Variants in LEMD3 observed in about 807,000 individuals in gnomAD.
LEMD3 encodes the protein LEM domain containing 3.
Under a neutral mutation model 95.2 loss-of-function variants are expected in LEMD3, and 33 were observed. The ratio of observed to expected loss-of-function variants is 0.35; its 90% CI spans 0.26 to 0.46. The LOEUF is 0.46. LEMD3 is among the 20% of genes least tolerant of loss of function. LEMD3 has a pLI of 1.00. For missense variants in LEMD3, 1,210 were observed against 1,192.8 expected, an observed-to-expected ratio of 1.01 and a Z score of -0.21; for synonymous variants, 525 against 474.6, an observed-to-expected ratio of 1.11 and a Z score of -1.38.
intron 7 of LEMD3, 30 bp from the exon 8 acceptor site, chr12:65,240,106 G>A: frequency 4.8e-6 from 6 of 1,238,576 alleles, no homozygotes; most frequent in Non-Finnish European, 7.0e-6. Context: ...TCAAGTGATT[G>A]ATTCATTTGT....
intron 1 of LEMD3, among the ~76,000 whole-genome samples, chr12:65,206,633 A>G (rs937175606): frequency 3.3e-5 from 5 of 152,104 alleles, no homozygotes; most frequent in Admixed American, 1.3e-4. Flanking sequence ...ATGGCCTGAG[A>G]GAGAAGGGGA....
At chr12:65,222,681 C>T (rs552903609) in intron 4 of LEMD3, among the ~76,000 whole-genome samples, 6 of 152,030 alleles carry the variant, frequency 3.9e-5, no homozygotes, top group Middle Eastern at 3.4e-3. Context: ...TTCCTCCCTT[C>T]TGCTAATCTT....
At position 65,245,925 on chromosome 12, in the gene LEMD3, G is replaced by A. The variant is rs1308730604; in HGVS notation, c.2558G>A (p.Gly853Asp). ...YAGKAFKALH[G>D]SWFDGKLVTV... is the part of the protein sequence containing the mutation. ...GGAAAGGCTTTTAAAGCATTGCATG[G>A]CTCTTGGTTTGATGGTAAGAAATTT... The change falls in exon 12 of 13, where the codon GGC becomes GAC. Residue 853 changes from glycine (G) to aspartate (D), a missense_variant. Coordinates refer to ENST00000308330, the MANE Select transcript of LEMD3 (RefSeq NM_014319.5). 1 of 1,611,558 alleles carries A rather than the reference G, an allele frequency of 6.2e-7. No homozygotes were observed. The highest frequency in any genetic ancestry group is 8.5e-7 in the Non-Finnish European group (1 of 1,178,386).
intron 1 of LEMD3, chr12:65,171,918 C>CT (rs1868562282): frequency 6.6e-6 from 1 of 152,224 alleles, no homozygotes; most frequent in Non-Finnish European, 1.5e-5. Flanking sequence ...GCGTACACAA[C>CT]TTTATTTTTT....
At chr12:65,202,476 A>G (rs1423006844) in intron 1 of LEMD3, among the ~76,000 whole-genome samples, 1 of 151,954 alleles carries the variant, frequency 6.6e-6, no homozygotes, top group Non-Finnish European at 1.5e-5. Context: ...TTCTTGTTAT[A>G]CTATGTTGGA....
intron 1 of LEMD3, among the ~76,000 whole-genome samples, chr12:65,174,769 T>G (rs1868663361): frequency 6.6e-6 from 1 of 152,194 alleles, no homozygotes; most frequent in African/African-American, 2.4e-5. Flanking sequence ...ATGTGGAAGA[T>G]GAAATCTCTG....
rs1869922824 is a variant in LEMD3 at position 65,211,032 on chromosome 12, A to G, written c.1560+69A>G. The G allele has an allele frequency of 2.6e-6, 3 of 1,139,600 alleles. No homozygotes were observed. The African/African-American group carries it at 4.6e-5, about 17-fold the overall frequency. The allele number at this position is 1,139,600 out of a possible 1,614,324, so 70.6% of individuals were successfully genotyped here. The stretch of plus-strand genomic sequence containing the variant: ...ATATGATAAAAGCATGAGAATGACT[A>G]TCAACTAAAAAAAAGTAATTTTAAA... On this transcript the variant is annotated intron_variant, in intron 2 of 12. Coordinates refer to ENST00000308330, the MANE Select transcript of LEMD3 (RefSeq NM_014319.5).
intron 2 of LEMD3, among the ~76,000 whole-genome samples, chr12:65,212,263 G>T (rs1205930361): frequency 6.6e-6 from 1 of 152,102 alleles, no homozygotes; most frequent in Non-Finnish European, 1.5e-5. Flanking sequence ...CCCACAACAC[G>T]TGGGGATTAT....
At position 65,169,611 on chromosome 12, in the gene LEMD3, A is replaced by C. The variant is rs1476285077; in HGVS notation, c.15A>C (p.Ala5=). Residue 5 remains alanine (A), a synonymous_variant, in exon 1 of 13, where the codon GCA becomes GCC. Coordinates refer to ENST00000308330, the MANE Select transcript of LEMD3 (RefSeq NM_014319.5). MAAA[A]ASAPQQLSDE... is the part of the protein sequence containing the mutation. ...CTGGAGAGAAAATGGCGGCGGCAGC[A>C]GCTTCGGCGCCTCAGCAGCTCTCGG... 7.6e-6 allele frequency: 12 copies of C among 1,588,090 alleles called. No homozygotes were observed. The highest frequency in any genetic ancestry group is 8.6e-6 in the Non-Finnish European group (10 of 1,169,470).
intron 1 of LEMD3, 136 bp from the exon 2 acceptor site, chr12:65,210,790 A>G (rs1203353731): frequency 6.5e-6 from 5 of 768,726 alleles, no homozygotes; most frequent in Non-Finnish European, 1.2e-5. Flanking sequence ...CTTTATTATC[A>G]CCAGTTTGTT....
chr12:65,237,381 A>C (rs1014133958), intron 4 of LEMD3, among the ~76,000 whole-genome samples: 1 of 152,168 alleles, frequency 6.6e-6, no homozygotes, highest in African/African-American at 2.4e-5. Flanking sequence ...AAAACATTGG[A>C]AAGTATTTTA....
In LEMD3 at chr12:65,245,761, A is replaced by G. The variant is rs970897423; in HGVS notation, c.2480A>G (p.Lys827Arg). 28 of 1,613,240 alleles carry G rather than the reference A, an allele frequency of 1.7e-5. No homozygotes were observed. The highest frequency in any genetic ancestry group is 2.2e-5 in the Non-Finnish European group (26 of 1,179,400). Reference sequence around the variant, plus strand: ...GGCATTGTTCACATTGCAGTAGACAAAAATTCACGTGAGGTAAAGTAACTT... The same window carrying G: ...GGCATTGTTCACATTGCAGTAGACAGAAATTCACGTGAGGTAAAGTAACTT... ...NDGIVHIAVD[K>R]NSREGCVYVK... Residue 827 changes from lysine (K) to arginine (R), a missense_variant, in exon 11 of 13, where the codon AAA becomes AGA. Physicochemically the swap from Lys to Arg is conservative, Grantham distance 26 (BLOSUM62 2). Coordinates refer to ENST00000308330, the MANE Select transcript of LEMD3 (RefSeq NM_014319.5).
rs1041163455 is a variant in LEMD3 at position 65,246,371 on chromosome 12, T to A, written c.*46T>A. 1 of 1,475,464 alleles carries A rather than the reference T, an allele frequency of 6.8e-7. No homozygotes were observed. Among genetic ancestry groups the A allele is most frequent in the East Asian group, 2.3e-5 (1 of 44,206 alleles). 91.4% of individuals were successfully genotyped at this position (1,475,464 alleles called of 1,614,324 possible). ...AAGACTGTTATTTACAATAGGAAAA[T>A]TCCTGTTTGGCTTTTTGTCTTCCTT... On this transcript the variant is annotated 3_prime_UTR_variant, in exon 13 of 13. Transcript: ENST00000308330.
chr12:65,218,911 C>T lies in LEMD3; in HGVS notation c.1695+292C>T, dbSNP rs144674423. Among the ~76,000 whole-genome samples, 137 of 151,482 alleles carry T rather than the reference C, an allele frequency of 9.0e-4. No individual in the cohort carries two copies. The East Asian group carries it at 0.011, about 12-fold the overall frequency. ...TCAAGCGATTCTCCTGCCTCAGCCT[C>T]GCGAGTAGCTGGAATTACAGGCACC... On this transcript the variant is annotated intron_variant, in intron 4 of 12. Coordinates refer to ENST00000308330, the MANE Select transcript of LEMD3 (RefSeq NM_014319.5).
intron 4 of LEMD3, among the ~76,000 whole-genome samples, chr12:65,219,629 G>A (rs1426008700): frequency 6.6e-6 from 1 of 152,086 alleles, no homozygotes; most frequent in African/African-American, 2.4e-5. Flanking sequence ...ACAACTATAT[G>A]TGCATTCTTA....
chr12:65,191,807 C>T (rs1869248536), intron 1 of LEMD3, among the ~76,000 whole-genome samples: 3 of 151,498 alleles, frequency 2.0e-5, no homozygotes, highest in Admixed American at 2.0e-4. Context: ...TGCCTGTGGT[C>T]CCGGTTACTC....
intron 1 of LEMD3, among the ~76,000 whole-genome samples, chr12:65,190,318 G>C (rs1316463792): frequency 3.3e-5 from 5 of 152,118 alleles, no homozygotes; most frequent in African/African-American, 9.7e-5. Flanking sequence ...GATGGGAAGT[G>C]GGGGTTGAAC....
At chr12:65,239,811 C>G (rs1870876572) in intron 6 of LEMD3, 118 bp from the exon 7 acceptor site, 2 of 676,990 alleles carry the variant, frequency 3.0e-6, no homozygotes, top group Non-Finnish European at 5.2e-6. Context: ...AATTATATAG[C>G]TAATTCAGCC....
chr12:65,223,299 A>ATTTTTTTT (rs35145654), intron 4 of LEMD3, among the ~76,000 whole-genome samples: 2 of 118,658 alleles, frequency 1.7e-5, no homozygotes, highest in Non-Finnish European at 3.5e-5. Context: ...TCATGTGATG[A>ATTTTTTTT]TTTTTTTTTT....
Sources: allele counts gnomAD v4.1 joint callset (sites outside exome capture counted in the v4.1 genomes callset), GRCh38; gene constraint gnomAD v4.1.1; transcripts MANE v1.5; gene names NCBI Gene and HGNC (gene_info 2026-07-23, HGNC 2026-07-21).